Variants in KIF6 observed in about 807,000 individuals in gnomAD.
KIF6 encodes the protein kinesin family member 6.
A neutral mutation model predicts 112.7 loss-of-function variants in KIF6; 106 were observed. The ratio of observed to expected loss-of-function variants is 0.94; its 90% CI spans 0.80 to 1.11. The LOEUF (loss-of-function observed/expected upper bound fraction) is 1.11, where lower values mean the gene tolerates loss of function less well. KIF6 is among the 50% of genes least tolerant of loss of function. KIF6 has a pLI of 0.00. For synonymous variants in KIF6, 339 were observed against 339.9 expected, an observed-to-expected ratio of 1.00 and a Z score of 0.03; for missense variants, 929 against 964.0, an observed-to-expected ratio of 0.96 and a Z score of 0.48.
intron 16 of KIF6, among the ~76,000 whole-genome samples, chr6:39,367,753 C>T (rs556427006): frequency 6.6e-6 from 1 of 152,202 alleles, no homozygotes; most frequent in South Asian, 2.1e-4. Context: ...AACTCCTTGT[C>T]CCACTTCCCC....
intron 6 of KIF6, among the ~76,000 whole-genome samples, chr6:39,601,164 A>C (rs1782550368): frequency 6.6e-6 from 1 of 152,168 alleles, no homozygotes; most frequent in East Asian, 1.9e-4. Context: ...TCTTGTACAT[A>C]ATGTTCCCAA....
intron 16 of KIF6, among the ~76,000 whole-genome samples, chr6:39,384,314 C>T (rs1767222292): frequency 6.6e-6 from 1 of 152,186 alleles, no homozygotes; most frequent in South Asian, 2.1e-4. Flanking sequence ...CCCATAAGGT[C>T]ACCTTGGTAC....
chr6:39,471,782 C>T (rs1774129803), intron 13 of KIF6, among the ~76,000 whole-genome samples: 1 of 152,182 alleles, frequency 6.6e-6, no homozygotes, highest in Non-Finnish European at 1.5e-5. Flanking sequence ...CTTGACAGAG[C>T]TGCTTGCTGA....
chr6:39,433,416 C>T (rs1476437920), intron 13 of KIF6, among the ~76,000 whole-genome samples: 1 of 152,050 alleles, frequency 6.6e-6, no homozygotes, highest in African/African-American at 2.4e-5. Context: ...ACATGCATCG[C>T]CAACTTTCAA....
intron 16 of KIF6, among the ~76,000 whole-genome samples, chr6:39,383,225 A>T (rs1482807990): frequency 2.0e-5 from 3 of 152,134 alleles, no homozygotes; most frequent in Non-Finnish European, 4.4e-5. Context: ...GGTCTTCATC[A>T]TAGATTCATT....
intron 18 of KIF6, among the ~76,000 whole-genome samples, chr6:39,360,141 A>T (rs1581669751): frequency 1.3e-5 from 2 of 152,328 alleles, no homozygotes; most frequent in East Asian, 3.9e-4. Flanking sequence ...TGGCAAACCC[A>T]CTGATTTTTG....
At chr6:39,644,311 G>A (rs1296428033) in intron 3 of KIF6, among the ~76,000 whole-genome samples, 1 of 152,080 alleles carries the variant, frequency 6.6e-6, no homozygotes, top group Non-Finnish European at 1.5e-5. Flanking sequence ...ACCCGGCTAG[G>A]TGTATACACA....
chr6:39,655,138 TGAAA>T (rs1047604908), intron 3 of KIF6, among the ~76,000 whole-genome samples: 11 of 152,342 alleles, frequency 7.2e-5, no homozygotes, highest in African/African-American at 2.6e-4. Flanking sequence ...GCCAATTTGA[TGAAA>T]GAGATATTTC....
intron 13 of KIF6, among the ~76,000 whole-genome samples, chr6:39,512,874 C>T (rs993763070): frequency 2.0e-5 from 3 of 152,138 alleles, no homozygotes; most frequent in African/African-American, 4.8e-5. Context: ...TTTTGCTTGC[C>T]TTCTGGAAAG....
chr6:39,637,127 A>T (rs893255606), intron 4 of KIF6, among the ~76,000 whole-genome samples: 1 of 152,074 alleles, frequency 6.6e-6, no homozygotes, highest in Admixed American at 6.6e-5. Context: ...AAAGGAAAAT[A>T]AAAGCAAAAT....
At chr6:39,522,102 C>T (rs1777432001) in intron 13 of KIF6, among the ~76,000 whole-genome samples, 1 of 152,166 alleles carries the variant, frequency 6.6e-6, no homozygotes, top group African/African-American at 2.4e-5. Flanking sequence ...TCAGCCTTTT[C>T]CCTTCACTGA....
chr6:39,619,183 T>C lies in KIF6; in HGVS notation c.510-5865A>G, dbSNP rs192707215. Among the ~76,000 whole-genome samples the C allele has an allele frequency of 4.3e-3, 648 of 152,332 alleles. 2 individuals carry two copies. Among genetic ancestry groups the C allele is most frequent in the Admixed American group, 7.6e-3 (116 of 15,282 alleles). On this transcript the variant is annotated intron_variant, in intron 5 of 22. Coordinates refer to ENST00000287152, the MANE Select transcript of KIF6 (RefSeq NM_145027.6). The stretch of plus-strand genomic sequence containing the variant: ...ATCAGAAGAAGTCCAAACTCAGCAC[T>C]GCAAAATATTCTGAGTAATTCTTGT...
chr6:39,620,234 T>C (rs1183859780), intron 5 of KIF6: 1 of 152,232 alleles, frequency 6.6e-6, no homozygotes, highest in African/African-American at 2.4e-5. Flanking sequence ...ATAGTAATTA[T>C]ACAGCCGTGC....
rs543627613 is a variant in KIF6, at chr6:39,453,636, G to A, written c.1646-22475C>T. ...AACCCTAAAATAAAATCCATTAATC[G>A]ATCACCCAATATTTCTTGAATATTT... On this transcript the variant is annotated intron_variant, in intron 13 of 22. Transcript: ENST00000287152. Among the ~76,000 whole-genome samples, 7 of 151,920 alleles carry A rather than the reference G, an allele frequency of 4.6e-5. No individual in the cohort carries two copies. In the South Asian group the frequency reaches 6.2e-4, roughly 14 times the overall value.
intron 3 of KIF6, among the ~76,000 whole-genome samples, chr6:39,687,460 A>G (rs754209018): frequency 6.6e-6 from 1 of 152,222 alleles, no homozygotes; most frequent in Non-Finnish European, 1.5e-5. Flanking sequence ...TCTGAAAGTA[A>G]TAAGTAAAAT....
At chr6:39,349,030 G>A (rs1403424171) in intron 19 of KIF6, among the ~76,000 whole-genome samples, 1 of 152,220 alleles carries the variant, frequency 6.6e-6, no homozygotes, top group East Asian at 1.9e-4. Flanking sequence ...GCCCGAGGGT[G>A]TGCTGTCGGA....
At chr6:39,504,598 C>T (rs1372240972) in intron 13 of KIF6, among the ~76,000 whole-genome samples, 1 of 152,192 alleles carries the variant, frequency 6.6e-6, no homozygotes, top group African/African-American at 2.4e-5. Flanking sequence ...ATCTGGAAAA[C>T]CCTATCATCT....
At chr6:39,524,956 T>C (rs1777623349) in intron 13 of KIF6, among the ~76,000 whole-genome samples, 1 of 152,168 alleles carries the variant, frequency 6.6e-6, no homozygotes, top group Admixed American at 6.5e-5. Context: ...AAAATGAAAA[T>C]TATCTGTGTT....
At chr6:39,349,061 T>C (rs926576860) in intron 19 of KIF6, among the ~76,000 whole-genome samples, 1 of 152,224 alleles carries the variant, frequency 6.6e-6, no homozygotes, top group African/African-American at 2.4e-5. Context: ...CTGGGATTCA[T>C]GTGATTCAAA....
Sources: allele counts gnomAD v4.1 joint callset (sites outside exome capture counted in the v4.1 genomes callset), GRCh38; gene constraint gnomAD v4.1.1; transcripts MANE v1.5; gene names NCBI Gene and HGNC (gene_info 2026-07-23, HGNC 2026-07-21).